TTC17: variants seen among roughly 807,000 people sequenced by gnomAD.
TTC17 encodes the protein tetratricopeptide repeat domain 17.
TTC17 carries 58 observed loss-of-function variants against 143.8 expected under a neutral mutation model. The ratio of observed to expected loss-of-function variants is 0.40; its 90% CI spans 0.33 to 0.50. The LOEUF is 0.50. Among genes scored for constraint, TTC17 ranks in the 20% least tolerant of loss-of-function variants. The pLI is 0.49. For synonymous variants in TTC17, 501 were observed against 497.8 expected (o/e 1.01, Z -0.09); for missense variants, 1,273 against 1,392.5 (o/e 0.91, Z 1.37).
At position 43,396,802 on chromosome 11, in the gene TTC17, C is replaced by G; in HGVS notation, c.757C>G (p.Leu253Val). 6.2e-7 allele frequency: 1 copy of G among 1,604,682 alleles called. No individual in the cohort carries two copies. Among genetic ancestry groups the G allele is most frequent in the Non-Finnish European group, 8.5e-7 (1 of 1,173,248 alleles). The change falls in exon 6 of 24, where the codon CTT becomes GTT. Residue 253 changes from leucine (L) to valine (V), a missense_variant. This residue lies in a region of TTC17 where 325 missense variants were observed against 444.2 expected (regional missense o/e 0.73). Transcript: ENST00000039989. ...GGTAGTAGAATGTGCCATGCGAGCA[C>G]TTCACTTCTCTTCCAGGTAAGATTC... ...YQVVECAMRA[L>V]HFSSRHNKDI... is the part of the protein sequence containing the mutation.
intron 9 of TTC17, 124 bp from the exon 10 acceptor site, chr11:43,401,322 C>A: frequency 3.3e-6 from 2 of 597,098 alleles, no homozygotes; most frequent in Non-Finnish European, 6.0e-6. Context: ...TAAGTACGTC[C>A]TACGTAAGTA....
chr11:43,420,135 G>A (rs981434189), intron 16 of TTC17, among the ~76,000 whole-genome samples: 2 of 152,150 alleles, frequency 1.3e-5, no homozygotes, highest in East Asian at 3.8e-4. Context: ...AAGAATTTTT[G>A]TATTTATGAA....
chr11:43,490,552 G>T (rs886106695), intron 22 of TTC17, among the ~76,000 whole-genome samples, 194 bp downstream of exon 22: 3 of 152,318 alleles, frequency 2.0e-5, no homozygotes, highest in South Asian at 2.1e-4. Context: ...TGCCTTCCCA[G>T]CTTCAGCAGG....
chr11:43,462,918 A>ATTTTTTTTTTTTTTTTTTTTTTTTTTTT (rs1369564202), intron 21 of TTC17, among the ~76,000 whole-genome samples: 23 of 95,292 alleles, frequency 2.4e-4, no homozygotes, highest in African/African-American at 1.1e-3. Flanking sequence ...CAGTGACAAA[A>ATTTTTTTTTTTTTTTTTTTTTTTTTTTT]TTCTTTTTTT....
chr11:43,396,108 T>G lies in TTC17; in HGVS notation c.664-601T>G, dbSNP rs1235546220. On this transcript the variant is annotated intron_variant, in intron 5 of 23. Transcript: ENST00000039989. ...AAAGTTAATAATATTCAGTAAGTAT[T>G]GGCTTTCTTTTTAGTCTTTGCCACT... The G allele has an allele frequency of 3.3e-5, 5 of 152,268 alleles. No homozygotes were observed. The Middle Eastern group carries it at 0.01, about 311-fold the overall frequency. The allele number at this position is 152,268 out of a possible 1,614,324, so 9.4% of individuals were successfully genotyped here.
In TTC17 at chr11:43,451,221, T is replaced by C; in HGVS notation, c.2986T>C (p.Ser996Pro). Residue 996 changes from serine (S) to proline (P), a missense_variant, in exon 21 of 24, where the codon TCG becomes CCG. This residue lies in a region of TTC17 where 878 missense variants were observed against 899.8 expected (regional missense o/e 0.98). Transcript: ENST00000039989. ...CGGCAAAGACCAATATCCACAACAG[T>C]CGCTTGAACAGATTGGCACCCGAAT... The part of the protein sequence containing the change: ...NLGKDQYPQQ[S>P]LEQIGTRIAK... The C allele has an allele frequency of 6.2e-7, 1 of 1,613,772 alleles. No individual in the cohort carries two copies. Among genetic ancestry groups the C allele is most frequent in the East Asian group, 2.2e-5 (1 of 44,868 alleles).
chr11:43,446,478 C>T (rs1947544350), intron 18 of TTC17: 1 of 346,128 alleles, frequency 2.9e-6, no homozygotes, highest in African/African-American at 2.2e-5. Context: ...TGGTTCTCAG[C>T]CCCTTATAAC....
At chr11:43,399,822 T>C in intron 8 of TTC17, 66 bp from the exon 9 acceptor site, 1 of 1,505,226 alleles carries the variant, frequency 6.6e-7, no homozygotes. Flanking sequence ...AATCTGTGCA[T>C]TTAAGTGGGT....
At chr11:43,452,152 AC>A (rs1947670244) in intron 21 of TTC17, among the ~76,000 whole-genome samples, 1 of 152,208 alleles carries the variant, frequency 6.6e-6, no homozygotes, top group East Asian at 1.9e-4. Context: ...AGGTAGCCCA[AC>A]CAGGAAAATC....
chr11:43,404,908 A>G (rs1426227619), intron 11 of TTC17, among the ~76,000 whole-genome samples: 1 of 152,130 alleles, frequency 6.6e-6, no homozygotes, highest in Non-Finnish European at 1.5e-5. Context: ...GTTCAGGGAA[A>G]AGTAGTGTTC....
rs544217668 is a variant in TTC17, at chr11:43,389,815, A to T, written c.413A>T (p.Asp138Val). ...ACATACATAACTTTGGAGAGCAAAGACATCAGGTAAAGAAGTTCTCTTTCC... is the reference window on the plus strand; with the variant it reads ...ACATACATAACTTTGGAGAGCAAAGTCATCAGGTAAAGAAGTTCTCTTTCC... Reference protein sequence around the residue: ...DGTYITLESKDISPEDYIDTE... With the variant: ...DGTYITLESKVISPEDYIDTE... The change falls in exon 3 of 24, where the codon GAC becomes GTC. Residue 138 changes from aspartate (D) to valine (V), a missense_variant. Physicochemically the swap from Asp to Val is radical, Grantham distance 152. This residue lies in a region of TTC17 where 325 missense variants were observed against 444.2 expected (regional missense o/e 0.73). Coordinates refer to ENST00000039989, the MANE Select transcript of TTC17 (RefSeq NM_018259.6). 6.3e-7 allele frequency: 1 copy of T among 1,594,954 alleles called. No individual in the cohort carries two copies. The highest frequency in any genetic ancestry group is 1.2e-5 in the South Asian group (1 of 86,624).
chr11:43,431,442 C>G (rs1273740015), intron 16 of TTC17, among the ~76,000 whole-genome samples: 2 of 152,146 alleles, frequency 1.3e-5, no homozygotes, highest in Non-Finnish European at 2.9e-5. Context: ...CTGTTGTTTC[C>G]TGACTTTTTA....
intron 2 of TTC17, among the ~76,000 whole-genome samples, chr11:43,388,612 A>G (rs7125408): frequency 0.58 from 86,999 of 150,852 alleles, 26,210 homozygotes; most frequent in African/African-American, 0.73. Context: ...GCCAGGGTGG[A>G]AAGATTGCTT....
chr11:43,487,133 T>C (rs1270696553), intron 21 of TTC17, among the ~76,000 whole-genome samples: 1 of 152,138 alleles, frequency 6.6e-6, no homozygotes, highest in Non-Finnish European at 1.5e-5. Context: ...AAGAAATAAC[T>C]TTTTTGTTTG....
chr11:43,467,240 C>G (rs930130712), intron 21 of TTC17, among the ~76,000 whole-genome samples: 1 of 152,152 alleles, frequency 6.6e-6, no homozygotes, highest in African/African-American at 2.4e-5. Context: ...CATAGCTATA[C>G]CATTCACAGT....
At chr11:43,452,625 CT>C (rs1285706601) in intron 21 of TTC17, among the ~76,000 whole-genome samples, 1 of 152,032 alleles carries the variant, frequency 6.6e-6, no homozygotes, top group Non-Finnish European at 1.5e-5. Flanking sequence ...ATAATTCAGA[CT>C]GAACTTTTCT....
intron 9 of TTC17, among the ~76,000 whole-genome samples, 192 bp from the exon 10 acceptor site, chr11:43,401,254 A>G (rs1565146552): frequency 6.6e-6 from 1 of 152,230 alleles, no homozygotes; most frequent in Non-Finnish European, 1.5e-5. Flanking sequence ...GTAGGTGGAA[A>G]AACTGGGACT....
At chr11:43,361,586 A>G (rs931301938) in intron 1 of TTC17, among the ~76,000 whole-genome samples, 11 of 152,276 alleles carry the variant, frequency 7.2e-5, no homozygotes, top group Non-Finnish European at 1.2e-4. Flanking sequence ...AGTGAAAAAC[A>G]GAATGGTTAT....
intron 2 of TTC17, among the ~76,000 whole-genome samples, chr11:43,387,582 G>T (rs1857216768): frequency 6.6e-6 from 1 of 152,260 alleles, no homozygotes; most frequent in South Asian, 2.1e-4. Flanking sequence ...CTCTGTTGGG[G>T]ATCTGTACCA....
Sources: allele counts gnomAD v4.1 joint callset (sites outside exome capture counted in the v4.1 genomes callset), GRCh38; gene constraint gnomAD v4.1.1; regional missense constraint gnomAD v4.1.1; transcripts MANE v1.5; gene names NCBI Gene and HGNC (gene_info 2026-07-23, HGNC 2026-07-21).